AMOT: variants seen among roughly 807,000 people sequenced by gnomAD.
AMOT encodes the protein angiomotin.
AMOT carries 11 observed loss-of-function variants against 67.0 expected under a neutral mutation model. The observed-to-expected ratio is 0.16, with a 90% confidence interval of 0.10 to 0.27. The LOEUF (loss-of-function observed/expected upper bound fraction) is 0.27. Ranked by LOEUF, AMOT falls within the 10% of genes least tolerant of loss-of-function variation. The pLI is 1.00. For missense variants in AMOT, 753 were observed against 852.0 expected (o/e 0.88, Z 1.45); for synonymous variants, 326 against 321.4 (o/e 1.01, Z -0.15).
At chrX:112,836,244 A>C (rs1935127280) in intron 1 of AMOT, among the ~76,000 whole-genome samples, 1 of 111,733 alleles carries the variant, frequency 8.9e-6, no homozygotes. Flanking sequence ...CACAAAGTAA[A>C]CAGTGGACCC....
chrX:112,828,759 C>T (rs974960456), intron 2 of AMOT, among the ~76,000 whole-genome samples: 6 of 111,402 alleles, frequency 5.4e-5, no homozygotes, highest in African/African-American at 1.3e-4. Context: ...GGGCAAGAGC[C>T]CTTCCACTAC....
intron 1 of AMOT, among the ~76,000 whole-genome samples, chrX:112,835,672 G>A (rs952491062): frequency 6.5e-5 from 7 of 108,056 alleles, no homozygotes; most frequent in Admixed American, 2.0e-4. Flanking sequence ...TGCAACCTCC[G>A]CCTCCCAGGT....
At chrX:112,809,481 G>A (rs1034937251) in intron 7 of AMOT, among the ~76,000 whole-genome samples, 2 of 111,040 alleles carry the variant, frequency 1.8e-5, no homozygotes, top group Admixed American at 1.9e-4. Flanking sequence ...GGGAGCCCCA[G>A]GTACAGGTGA....
At chrX:112,839,973 A>G (rs187676563) in intron 1 of AMOT, among the ~76,000 whole-genome samples, 235 of 111,511 alleles carry the variant, frequency 2.1e-3, no homozygotes, top group Non-Finnish European at 3.8e-3. Context: ...GATTACACAG[A>G]CTTTAAAACT....
In AMOT at chrX:112,791,785, T is replaced by C. The variant is rs1381770634; in HGVS notation, c.1926+47A>G. ...GAAAAATAAGCAACCAGGAATAATGTCATTTTCTTACTTTTTTTTCCCTTT... is the reference window on the plus strand; with the variant it reads ...GAAAAATAAGCAACCAGGAATAATGCCATTTTCTTACTTTTTTTTCCCTTT... On this transcript the variant is annotated intron_variant, in intron 9 of 13. Coordinates refer to ENST00000371959, the MANE Select transcript of AMOT (RefSeq NM_001113490.2). 3.4e-6 allele frequency: 4 copies of C among 1,193,307 alleles called. No individual in the cohort carries two copies. In the South Asian group the frequency reaches 7.2e-5, roughly 21 times the overall value.
chrX:112,798,337 A>AT (rs761455851), intron 8 of AMOT, among the ~76,000 whole-genome samples: 133 of 112,526 alleles, frequency 1.2e-3, no homozygotes, highest in African/African-American at 4.1e-3. Context: ...TTAAGCAGTC[A>AT]TTTTTTAAAG....
Position 112,811,396 on chromosome X carries a change from TAAC to T in AMOT, c.1393-6_1393-4del. 8.3e-7 allele frequency: 1 copy of T among 1,201,182 alleles called. No individual in the cohort carries two copies. Among genetic ancestry groups the T allele is most frequent in the Non-Finnish European group, 1.1e-6 (1 of 889,395 alleles). On this transcript the variant is annotated splice_polypyrimidine_tract_variant and splice_region_variant and intron_variant, in intron 5 of 13. Transcript: ENST00000371959. ...ACGCGCTGGATTTCTGTCTCCACCT[TAAC>T]AACAAAAAAAGACAATGGTGGTGAT...
At chrX:112,812,300 T>C (rs1934393888) in intron 5 of AMOT, among the ~76,000 whole-genome samples, 1 of 111,502 alleles carries the variant, frequency 9.0e-6, no homozygotes, top group African/African-American at 3.3e-5. Flanking sequence ...GGCTGGACAC[T>C]GTGGGGTACG....
rs961826180 is a variant in AMOT, at chrX:112,840,614, T to C, written c.-451A>G. 1.8e-5 allele frequency: 2 copies of C among 113,123 alleles called. No individual in the cohort carries two copies. The highest frequency in any genetic ancestry group is 3.7e-5 in the Non-Finnish European group (2 of 53,432). 9.3% of individuals were successfully genotyped at this position (113,123 alleles called of 1,213,427 possible). A position where few individuals can be genotyped will look rare whatever the true frequency, so the allele number is the denominator to read the frequency against. On this transcript the variant is annotated 5_prime_UTR_variant, in exon 1 of 14. Coordinates refer to ENST00000371959, the MANE Select transcript of AMOT (RefSeq NM_001113490.2). ...CCTTGGTGGCAGCGGACAGGCAGGA[T>C]ACCGGGCCAGAGGGTGGAGCAGCGG...
At chrX:112,786,095 T>C (rs930708691) in intron 10 of AMOT, among the ~76,000 whole-genome samples, 1 of 111,830 alleles carries the variant, frequency 8.9e-6, no homozygotes, top group Admixed American at 9.5e-5. Context: ...TTATTATCAT[T>C]GCTATTATTA....
In AMOT at chrX:112,775,476, C is replaced by T. The variant is rs2147769683; in HGVS notation, c.*3091G>A. The T allele has an allele frequency of 8.9e-6, 1 of 111,822 alleles. No homozygotes were observed. The highest frequency in any genetic ancestry group is 9.5e-5 in the Admixed American group (1 of 10,518). 9.2% of individuals were successfully genotyped at this position (111,822 alleles called of 1,213,427 possible). A position where few individuals can be genotyped will look rare whatever the true frequency, so the allele number is the denominator to read the frequency against. Reference sequence around the variant, plus strand: ...CACAATCAATCAGTTTGTTCATTTTCCAATTGTTATACCCACCCAACAGTG... The same window carrying T: ...CACAATCAATCAGTTTGTTCATTTTTCAATTGTTATACCCACCCAACAGTG... On this transcript the variant is annotated 3_prime_UTR_variant, in exon 14 of 14. Coordinates refer to ENST00000371959, the MANE Select transcript of AMOT (RefSeq NM_001113490.2).
In AMOT at chrX:112,775,169, T is replaced by C. The variant is rs780795717; in HGVS notation, c.*3398A>G. ...AAAATAAACAAACTCCCGACACTTG[T>C]CCTACTGATGATGGATGGCACTTGG... On this transcript the variant is annotated 3_prime_UTR_variant, in exon 14 of 14. Transcript: ENST00000371959. 14 of 112,462 alleles carry C rather than the reference T, an allele frequency of 1.2e-4. No individual in the cohort carries two copies. The highest frequency in any genetic ancestry group is 4.2e-4 in the African/African-American group (13 of 31,002). 9.3% of individuals were successfully genotyped at this position (112,462 alleles called of 1,213,427 possible).
Position 112,822,998 on chromosome X carries a change from C to T in AMOT, c.129G>A (p.Gly43=), listed in dbSNP as rs1934754105. ...TGCCACTGGGGAAAGGAGGGCCATT[C>T]CCTGTGGCTTGCTGGTGTATGGCAA... is the stretch of plus-strand genomic sequence containing the variant. ...SLLAIHQQAT[G]NGPPFPSGSG... Residue 43 remains glycine, a synonymous_variant, in exon 4 of 14, where the codon GGG becomes GGA. Coordinates refer to ENST00000371959, the MANE Select transcript of AMOT (RefSeq NM_001113490.2). The T allele has an allele frequency of 8.6e-7, 1 of 1,167,738 alleles. No homozygotes were observed. Among genetic ancestry groups the T allele is most frequent in the African/African-American group, 1.8e-5 (1 of 56,250 alleles).
intron 13 of AMOT, 34 bp from the exon 14 acceptor site, chrX:112,778,698 G>T: frequency 3.6e-6 from 4 of 1,122,359 alleles, no homozygotes; most frequent in Non-Finnish European, 4.8e-6. Flanking sequence ...AACACTTAGG[G>T]ATGAAGAAAA....
chrX:112,802,319 G>C (rs185727445), intron 8 of AMOT, among the ~76,000 whole-genome samples: 26 of 112,316 alleles, frequency 2.3e-4, no homozygotes, highest in African/African-American at 8.4e-4. Flanking sequence ...TATATCTGAG[G>C]ATAAGCAAAA....
chrX:112,809,775 T>C (rs1202962577), intron 7 of AMOT, 119 bp downstream of exon 7: 7 of 561,201 alleles, frequency 1.2e-5, no homozygotes, highest in Non-Finnish European at 1.7e-5. Context: ...AAAACAATCC[T>C]TAGGTGATAT....
At chrX:112,805,837 C>A (rs949614787) in intron 7 of AMOT, among the ~76,000 whole-genome samples, 2 of 112,022 alleles carry the variant, frequency 1.8e-5, no homozygotes, top group Admixed American at 9.5e-5. Context: ...AAGAACAGGG[C>A]AAAGTTAGAT....
At position 112,822,678 on chromosome X, in the gene AMOT, T is replaced by C. The variant is rs1934745228; in HGVS notation, c.449A>G (p.Gln150Arg). Residue 150 changes from glutamine to arginine, a missense_variant, in exon 4 of 14, where the codon CAG becomes CGG. Gln to Arg is a conservative substitution (Grantham distance 43). This residue lies in a region of AMOT where 118 missense variants were observed against 125.9 expected (regional missense o/e 0.94). Transcript: ENST00000371959. ...KMRTEGRPSV[Q>R]RLNPGKMHQD... ...GTGCATCTTTCCAGGATTGAGCCGCTGAACTGATGGGCGTCCCTCAGTCCT... is the reference window on the plus strand; with the variant it reads ...GTGCATCTTTCCAGGATTGAGCCGCCGAACTGATGGGCGTCCCTCAGTCCT... The C allele has an allele frequency of 8.6e-7, 1 of 1,164,422 alleles. No individual in the cohort carries two copies. Among genetic ancestry groups the C allele is most frequent in the African/African-American group, 1.8e-5 (1 of 55,352 alleles).
At chrX:112,802,498 G>T (rs1444392079) in intron 8 of AMOT, among the ~76,000 whole-genome samples, 1 of 112,268 alleles carries the variant, frequency 8.9e-6, no homozygotes, top group Admixed American at 9.4e-5. Flanking sequence ...GGGCTTGAAA[G>T]TCTGGAAGAC....
Sources: allele counts gnomAD v4.1 joint callset (sites outside exome capture counted in the v4.1 genomes callset), GRCh38; gene constraint gnomAD v4.1.1; regional missense constraint gnomAD v4.1.1; transcripts MANE v1.5; gene names NCBI Gene and HGNC (gene_info 2026-07-23, HGNC 2026-07-21).